The following FBXO47 variants were observed in gnomAD, a reference collection of about 807,000 sequenced individuals.
FBXO47 encodes the protein F-box protein 47.
A neutral mutation model predicts 53.9 loss-of-function variants in FBXO47; 34 were observed. The ratio of observed to expected loss-of-function variants is 0.63; its 90% CI spans 0.48 to 0.84. The LOEUF is 0.84. FBXO47 is among the 40% of genes least tolerant of loss of function. The pLI, the probability that FBXO47 is intolerant of heterozygous loss-of-function variation, is 0.00. For missense variants in FBXO47, 485 were observed against 541.3 expected (o/e 0.90, Z 1.03); for synonymous variants, 165 against 181.6 (o/e 0.91, Z 0.73).
chr17:38,946,337 TATATAA>T (rs1211629923), intron 6 of FBXO47, among the ~76,000 whole-genome samples: 12 of 89,822 alleles, frequency 1.3e-4, no homozygotes, highest in African/African-American at 6.7e-4. Flanking sequence ...TATATAAATA[TATATAA>T]ATATATAAAT....
intron 6 of FBXO47, among the ~76,000 whole-genome samples, chr17:38,950,899 ATTTAT>A (rs1459156071): frequency 6.6e-6 from 1 of 151,610 alleles, no homozygotes; most frequent in African/African-American, 2.4e-5. Flanking sequence ...GTGTGCCACA[ATTTAT>A]TTTATTTTTA....
At chr17:38,962,511 C>G (rs1905860075) in intron 2 of FBXO47, among the ~76,000 whole-genome samples, 1 of 151,680 alleles carries the variant, frequency 6.6e-6, no homozygotes, top group African/African-American at 2.4e-5. Context: ...GAGGCTGAGG[C>G]AGGAGAATAG....
chr17:38,951,213 C>T (rs887189310), intron 6 of FBXO47, among the ~76,000 whole-genome samples: 9 of 149,978 alleles, frequency 6.0e-5, no homozygotes, highest in East Asian at 4.0e-4. Context: ...TTTTATTTAT[C>T]GAGACAGGGT....
At chr17:38,955,622 T>G (rs1905514083) in intron 4 of FBXO47, among the ~76,000 whole-genome samples, 1 of 151,360 alleles carries the variant, frequency 6.6e-6, no homozygotes, top group Non-Finnish European at 1.5e-5. Flanking sequence ...GTACTTTTAG[T>G]AGAGACGGGG....
At chr17:38,951,329 G>C (rs1905269342) in intron 6 of FBXO47, among the ~76,000 whole-genome samples, 1 of 151,902 alleles carries the variant, frequency 6.6e-6, no homozygotes, top group Non-Finnish European at 1.5e-5. Flanking sequence ...TGAGTAGCTG[G>C]GACCACAGGC....
At position 38,944,190 on chromosome 17, in the gene FBXO47, C is replaced by CGTGTGT. The variant is rs1479938002; in HGVS notation, c.794-455_794-454insACACAC. Among the ~76,000 whole-genome samples the CGTGTGT allele has an allele frequency of 9.9e-3, 1,218 of 122,746 alleles. 18 individuals are homozygous for CGTGTGT. Among genetic ancestry groups the CGTGTGT allele is most frequent in the African/African-American group, 0.02 (702 of 34,554 alleles). The allele number at this position is 122,746 out of a possible 152,430, so 80.5% of individuals were successfully genotyped here. On this transcript the variant is annotated intron_variant, in intron 7 of 10. Coordinates refer to ENST00000378079, the MANE Select transcript of FBXO47 (RefSeq NM_001008777.3). Reference sequence around the variant, plus strand: ...CAGCGAGACTCTGTCTCAAAAAAAACATGTGTGTGTGTGTGTGTGTGTGTG... The same window carrying CGTGTGT: ...CAGCGAGACTCTGTCTCAAAAAAAACGTGTGTATGTGTGTGTGTGTGTGTGTGTGTG...
At chr17:38,964,889 C>T (rs1227866010) in intron 1 of FBXO47, among the ~76,000 whole-genome samples, 2 of 152,122 alleles carry the variant, frequency 1.3e-5, no homozygotes, top group Non-Finnish European at 2.9e-5. Context: ...GCGATCTCAG[C>T]TCACTGCAAC....
At chr17:38,947,310 A>T (rs1260830465) in intron 6 of FBXO47, among the ~76,000 whole-genome samples, 1 of 151,572 alleles carries the variant, frequency 6.6e-6, no homozygotes, top group Non-Finnish European at 1.5e-5. Context: ...AACAACAACA[A>T]AAAAAGAAAA....
At chr17:38,954,300 A>AAAAT (rs550693999) in intron 5 of FBXO47, among the ~76,000 whole-genome samples, 232 of 152,110 alleles carry the variant, frequency 1.5e-3, no homozygotes, top group Admixed American at 6.6e-3. Context: ...TCCGTCTCAA[A>AAAAT]AAATAAATAA....
chr17:38,962,729 C>T lies in FBXO47; in HGVS notation c.181+116G>A, dbSNP rs916560154. ...ACTTTAGAAAATAAACACTTAAACA[C>T]TTAACATGAATGTCATTAACATTTT... is the stretch of plus-strand genomic sequence containing the variant. On this transcript the variant is annotated intron_variant, in intron 2 of 10. Transcript: ENST00000378079. The T allele has an allele frequency of 1.5e-5, 9 of 616,100 alleles. No homozygotes were observed. The African/African-American group carries it at 1.5e-4, about 10-fold the overall frequency. 38.2% of individuals were successfully genotyped at this position (616,100 alleles called of 1,614,324 possible).
chr17:38,957,545 A>G lies in FBXO47; in HGVS notation c.353-292T>C, dbSNP rs937238523. Among the ~76,000 whole-genome samples, 8 of 152,212 alleles carry G rather than the reference A, an allele frequency of 5.3e-5. No individual in the cohort carries two copies. The South Asian group carries it at 1.7e-3, about 32-fold the overall frequency. On this transcript the variant is annotated intron_variant, in intron 3 of 10. Coordinates refer to ENST00000378079, the MANE Select transcript of FBXO47 (RefSeq NM_001008777.3). ...AAATACATAGAGTATAAAAGATACA[A>G]TAAGACAAAGACACACTAGAGAAAT...
intron 4 of FBXO47, 50 bp from the exon 5 acceptor site, chr17:38,954,983 G>T: frequency 7.7e-7 from 1 of 1,298,380 alleles, no homozygotes; most frequent in South Asian, 1.3e-5. Flanking sequence ...ACTATAGTTT[G>T]ACAATGGTGG....
chr17:38,949,439 CAAA>C (rs1183726032), intron 6 of FBXO47, among the ~76,000 whole-genome samples: 1 of 151,370 alleles, frequency 6.6e-6, no homozygotes, highest in East Asian at 1.9e-4. Context: ...CAAAACAAAA[CAAA>C]ACAAAACAAC....
At chr17:38,948,060 C>T (rs1457357774) in intron 6 of FBXO47, among the ~76,000 whole-genome samples, 1 of 152,092 alleles carries the variant, frequency 6.6e-6, no homozygotes, top group Non-Finnish European at 1.5e-5. Flanking sequence ...GCAGCCATCA[C>T]CACAGCCAAT....
intron 6 of FBXO47, among the ~76,000 whole-genome samples, chr17:38,946,075 T>TAAA (rs1491359958): frequency 8.9e-5 from 11 of 124,278 alleles, no homozygotes; most frequent in African/African-American, 3.5e-4. Context: ...AATATATATT[T>TAAA]ATATATAAAT....
intron 6 of FBXO47, among the ~76,000 whole-genome samples, chr17:38,946,592 ATAAATATATGAATATATATAAC>A (rs1328971021): frequency 1.1e-4 from 9 of 83,028 alleles, no homozygotes; most frequent in Non-Finnish European, 1.6e-4. Context: ...ATATAACTAT[ATAAATATATGAATATATATAAC>A]TATATAAATA....
chr17:38,963,050 T>A lies in FBXO47; in HGVS notation c.-25A>T, dbSNP rs1905898976. On this transcript the variant is annotated splice_region_variant and 5_prime_UTR_variant, in exon 2 of 11. Transcript: ENST00000378079. ...TTCTTCTTCTTGTCTCACAAATTTA[T>A]CCTGGTCAGAAAAACAAAGTACAAG... The A allele has an allele frequency of 6.4e-7, 1 of 1,569,564 alleles. No homozygotes were observed. The highest frequency in any genetic ancestry group is 8.7e-7 in the Non-Finnish European group (1 of 1,145,734).
In FBXO47 at chr17:38,944,557, C is replaced by T. The variant is rs906432606; in HGVS notation, c.793+403G>A. 4.6e-5 allele frequency among the ~76,000 whole-genome samples: 7 copies of T among 151,850 alleles called. No homozygotes were observed. The South Asian group carries it at 1.2e-3, about 27-fold the overall frequency. ...CTCTACTAAAAATACAAAAAATTAG[C>T]CAGGCATGGTGGCAGGCGCCTGTAA... On this transcript the variant is annotated intron_variant, in intron 7 of 10. Transcript: ENST00000378079.
intron 2 of FBXO47, 39 bp from the exon 3 acceptor site, chr17:38,962,086 T>A: frequency 6.6e-7 from 1 of 1,521,644 alleles, no homozygotes; most frequent in South Asian, 1.2e-5. Flanking sequence ...ATCAATGGCT[T>A]AAATGCAAGA....
Sources: gnomAD v4.1 joint callset for allele counts (sites outside exome capture counted in the v4.1 genomes callset) on GRCh38, gnomAD v4.1.1 for gene constraint, MANE v1.5 for transcripts, NCBI Gene and HGNC (gene_info 2026-07-23, HGNC 2026-07-21) for gene names.